The following LCOR variants were observed in gnomAD, a reference collection of about 807,000 sequenced individuals.
The protein encoded by LCOR is ligand dependent nuclear receptor corepressor.
A neutral mutation model predicts 64.4 loss-of-function variants in LCOR; 14 were observed. The ratio of observed to expected loss-of-function variants is 0.22; its 90% CI spans 0.14 to 0.34. The LOEUF is 0.34. LCOR is among the 10% of genes least tolerant of loss of function. LCOR has a pLI of 1.00. For missense variants in LCOR, 1,686 were observed against 1,765.3 expected, an observed-to-expected ratio of 0.96 and a Z score of 0.80; for synonymous variants, 643 against 642.5, an observed-to-expected ratio of 1.00 and a Z score of -0.01.
chr10:96,882,729 G>T (rs1195324243), intron 2 of LCOR, among the ~76,000 whole-genome samples: 1 of 152,142 alleles, frequency 6.6e-6, no homozygotes, highest in African/African-American at 2.4e-5. Flanking sequence ...TGCTCTGCCT[G>T]TTTATCCCTC....
intron 4 of LCOR, among the ~76,000 whole-genome samples, chr10:96,935,459 T>A (rs1033158998): frequency 2.0e-5 from 3 of 152,128 alleles, no homozygotes; most frequent in African/African-American, 7.2e-5. Context: ...ATCTCCTGGC[T>A]ATTTTATTAG....
intron 4 of LCOR, among the ~76,000 whole-genome samples, chr10:96,913,765 T>C (rs1349092131): frequency 6.6e-6 from 1 of 151,958 alleles, no homozygotes; most frequent in Non-Finnish European, 1.5e-5. Context: ...CTACTGAAAA[T>C]ACAAAAATTT....
chr10:96,884,052 T>G, intron 2 of LCOR, among the ~76,000 whole-genome samples: 1 of 152,298 alleles, frequency 6.6e-6, no homozygotes, highest in East Asian at 1.9e-4. Context: ...ATAATTCACC[T>G]CATTTATAAT....
intron 2 of LCOR, among the ~76,000 whole-genome samples, chr10:96,899,930 A>G (rs1589642350): frequency 6.6e-6 from 1 of 152,170 alleles, no homozygotes; most frequent in South Asian, 2.1e-4. Flanking sequence ...TTATTGAGAC[A>G]TAATTTACAT....
At position 96,982,083 on chromosome 10, in the gene LCOR, T is replaced by C; in HGVS notation, c.1623T>C (p.Thr541=). The part of the protein sequence containing the change: ...CSALASEAVF[T]PKQTLTIPAP... ...CATTGGCATCAGAGGCAGTTTTCAC[T>C]CCTAAGCAGACCCTTACAATTCCAG... The change falls in exon 8 of 8, where the codon ACT becomes ACC. Residue 541 remains threonine (T), a synonymous_variant. Coordinates refer to ENST00000421806, the MANE Select transcript of LCOR (RefSeq NM_001346516.2). 1 of 1,614,160 alleles carries C rather than the reference T, an allele frequency of 6.2e-7. No individual in the cohort carries two copies. The highest frequency in any genetic ancestry group is 8.5e-7 in the Non-Finnish European group (1 of 1,180,028).
intron 2 of LCOR, among the ~76,000 whole-genome samples, chr10:96,894,217 G>A (rs1324886786): frequency 2.6e-5 from 4 of 152,090 alleles, no homozygotes; most frequent in East Asian, 3.9e-4. Flanking sequence ...TCAGCCTCCC[G>A]AGCAGCTGGG....
At position 96,980,809 on chromosome 10, in the gene LCOR, G is replaced by A. The variant is rs1460983012; in HGVS notation, c.349G>A (p.Ala117Thr). The A allele has an allele frequency of 1.4e-6, 1 of 701,678 alleles. No homozygotes were observed. The highest frequency in any genetic ancestry group is 1.5e-5 in the South Asian group (1 of 67,452). 43.5% of individuals were successfully genotyped at this position (701,678 alleles called of 1,614,324 possible). Residue 117 changes from alanine (A) to threonine (T), a missense_variant, in exon 8 of 8, where the codon GCA (alanine) becomes ACA (threonine). Ala to Thr is a moderately conservative substitution (Grantham distance 58, BLOSUM62 0). Coordinates refer to ENST00000421806, the MANE Select transcript of LCOR (RefSeq NM_001346516.2). The stretch of plus-strand genomic sequence containing the variant: ...TCTGTCTAGTGAGAACTCAACAGAG[G>A]CAAAAGCAGTAGATTCTAACAATCA... ...TQGNGENSTEAKAVDSNNQSK... is the reference protein window; with the variant it reads ...TQGNGENSTETKAVDSNNQSK...
In LCOR at chr10:96,984,691, A is replaced by G. The variant is rs1848130695; in HGVS notation, c.4231A>G (p.Lys1411Glu). The change falls in exon 8 of 8, where the codon AAG (lysine) becomes GAG (glutamate). Residue 1411 changes from lysine (K) to glutamate (E), a missense_variant. By Grantham distance (56) the Lys-to-Glu change is moderately conservative. Around this residue, in one of 3 missense-constraint regions of LCOR, gnomAD observed 1,293 missense variants for 1,410.4 expected, o/e 0.92. Transcript: ENST00000421806. ...AGAAGGCAGCAGCCCTCCAGATAGTAAGAACAAGGGGCCTACGGTGAAAGC... is the reference window on the plus strand; with the variant it reads ...AGAAGGCAGCAGCCCTCCAGATAGTGAGAACAAGGGGCCTACGGTGAAAGC... ...RTEGSSPPDS[K>E]NKGPTVKASK... 1.2e-6 allele frequency: 2 copies of G among 1,614,112 alleles called. No homozygotes were observed. The highest frequency in any genetic ancestry group is 8.5e-7 in the Non-Finnish European group (1 of 1,180,034).
rs545686967 is a variant in LCOR at position 96,868,136 on chromosome 10, G to A, written c.-330+34657G>A. Among the ~76,000 whole-genome samples the A allele has an allele frequency of 3.5e-4, 53 of 152,030 alleles. 1 individual carries two copies. The highest frequency in any genetic ancestry group is 1.1e-3 in the African/African-American group (46 of 41,472). On this transcript the variant is annotated intron_variant, in intron 2 of 7. Transcript: ENST00000421806. ...CGACCTCAGGTGATCCACCCGCCTC[G>A]GCCTCCCAAAGTGCTGGGATTACAG... is the stretch of plus-strand genomic sequence containing the variant.
intron 1 of LCOR, chr10:96,833,154 G>T (rs1004914446): frequency 3.0e-6 from 3 of 985,436 alleles, no homozygotes; most frequent in African/African-American, 1.7e-5. Flanking sequence ...CGTGCTGCGG[G>T]AGGAGGGGGT....
At position 96,983,505 on chromosome 10, in the gene LCOR, G is replaced by A; in HGVS notation, c.3045G>A (p.Leu1015=). 6 of 1,614,096 alleles carry A rather than the reference G, an allele frequency of 3.7e-6. No individual in the cohort carries two copies. The highest frequency in any genetic ancestry group is 4.2e-6 in the Non-Finnish European group (5 of 1,180,014). ...ATGCCCCATGCAGCTCTCTTGGGTT[G>A]TCGAGTAGTGGAAGTGGTGATGCTG... The part of the protein sequence containing the change: ...ESDAPCSSLG[L]SSSGSGDAAR... The change falls in exon 8 of 8, where the codon TTG becomes TTA. Residue 1015 remains leucine, a synonymous_variant. Coordinates refer to ENST00000421806, the MANE Select transcript of LCOR (RefSeq NM_001346516.2). The surrounding 1 kb of genome is among the most constrained non-coding windows in gnomAD (Gnocchi z 4.5).
intron 2 of LCOR, among the ~76,000 whole-genome samples, chr10:96,836,000 T>A (rs564158065): frequency 7.6e-4 from 116 of 152,336 alleles, no homozygotes; most frequent in African/African-American, 1.1e-3. Context: ...ACCTTTTGCT[T>A]TCCTGCACCT....
chr10:96,840,088 GT>G (rs1212367856), intron 2 of LCOR, among the ~76,000 whole-genome samples: 2 of 152,202 alleles, frequency 1.3e-5, no homozygotes, highest in East Asian at 3.8e-4. Context: ...GGTTTGGTCT[GT>G]TACAAAGTGT....
intron 4 of LCOR, among the ~76,000 whole-genome samples, chr10:96,909,964 AT>A (rs1012195223): frequency 2.0e-5 from 3 of 151,312 alleles, no homozygotes; most frequent in Non-Finnish European, 4.4e-5. Context: ...ACAGTTACTA[AT>A]TTTTTTTTCA....
chr10:96,842,135 C>T (rs1362102881), intron 2 of LCOR, among the ~76,000 whole-genome samples: 1 of 152,084 alleles, frequency 6.6e-6, no homozygotes, highest in African/African-American at 2.4e-5. Context: ...GTGGCTCATG[C>T]CTGTAATCCC....
chr10:96,876,782 C>T (rs1240473487), intron 2 of LCOR, among the ~76,000 whole-genome samples: 3 of 152,074 alleles, frequency 2.0e-5, no homozygotes, highest in African/African-American at 7.2e-5. Flanking sequence ...CTCCGCCTCC[C>T]GGGTTCAGTG....
intron 2 of LCOR, among the ~76,000 whole-genome samples, chr10:96,879,228 T>C (rs1484332869): frequency 6.6e-6 from 1 of 152,208 alleles, no homozygotes; most frequent in South Asian, 2.1e-4. Flanking sequence ...GATTCACAGA[T>C]GAAGCACAAA....
chr10:96,940,885 G>T (rs1486534059), intron 4 of LCOR, among the ~76,000 whole-genome samples: 6 of 151,410 alleles, frequency 4.0e-5, no homozygotes, highest in Non-Finnish European at 5.9e-5. Flanking sequence ...CTTCCCAGTA[G>T]GGGCGGCCGG....
chr10:96,962,173 C>T (rs1294791828), intron 7 of LCOR: 1 of 152,030 alleles, frequency 6.6e-6, no homozygotes, highest in Non-Finnish European at 1.5e-5. Context: ...ACCTTTCTAG[C>T]AATTCCAAGT....
Sources: gnomAD v4.1 joint callset for allele counts (sites outside exome capture counted in the v4.1 genomes callset) on GRCh38, gnomAD v4.1.1 for gene constraint, gnomAD v4.1.1 regional missense constraint, Gnocchi (gnomAD v3.1) non-coding constraint, MANE v1.5 for transcripts, NCBI Gene and HGNC (gene_info 2026-07-23, HGNC 2026-07-21) for gene names.